Variants in PDS5B observed in about 807,000 individuals in gnomAD.
PDS5B encodes sister chromatid cohesion protein PDS5 homolog B.
In PDS5B, 51 loss-of-function variants were observed where a neutral mutation model predicts 184.1. The observed-to-expected ratio is 0.28, with a 90% CI of 0.22 to 0.35. PDS5B has a LOEUF of 0.35. Among genes scored for constraint, PDS5B ranks in the 10% least tolerant of loss-of-function variants. The probability of loss-of-function intolerance (pLI) is 1.00; values close to 1 mark genes in which losing one functional copy is unlikely to be tolerated. For synonymous variants in PDS5B, 566 were observed against 569.2 expected, an observed-to-expected ratio of 0.99 and a Z score of 0.08; for missense variants, 1,180 against 1,723.3, an observed-to-expected ratio of 0.68 and a Z score of 5.58.
At chr13:32,773,149 A>G in intron 33 of PDS5B, 40 bp from the exon 34 acceptor site, 1 of 1,542,810 alleles carries the variant, frequency 6.5e-7, no homozygotes, top group Non-Finnish European at 8.7e-7. Flanking sequence ...CTACTGAAAG[A>G]TTGGAACGTT....
chr13:32,618,160 G>A (rs578050245), intron 1 of PDS5B, among the ~76,000 whole-genome samples: 21 of 152,256 alleles, frequency 1.4e-4, no homozygotes, highest in African/African-American at 5.1e-4. Flanking sequence ...TCAGGCCCCA[G>A]CCTCTCAATA....
intron 33 of PDS5B, among the ~76,000 whole-genome samples, chr13:32,772,828 G>A (rs753597607): frequency 6.6e-5 from 10 of 152,136 alleles, no homozygotes; most frequent in Non-Finnish European, 1.3e-4. Context: ...ATCTCCATAA[G>A]AATCTATAAG....
intron 18 of PDS5B, among the ~76,000 whole-genome samples, chr13:32,707,930 C>T (rs954763161): frequency 1.3e-5 from 2 of 151,662 alleles, no homozygotes; most frequent in East Asian, 1.9e-4. Flanking sequence ...AAAACAAGGG[C>T]GAGATAGAAG....
chr13:32,763,945 A>G (rs1168780797), intron 30 of PDS5B, among the ~76,000 whole-genome samples: 1 of 152,216 alleles, frequency 6.6e-6, no homozygotes, highest in Non-Finnish European at 1.5e-5. Context: ...GAGACCACCC[A>G]GGACAGAGGC....
chr13:32,667,925 A>G (rs1950843999), intron 7 of PDS5B, 81 bp downstream of exon 7: 1 of 661,608 alleles, frequency 1.5e-6, no homozygotes, highest in Non-Finnish European at 2.5e-6. Flanking sequence ...TTCATCAGAT[A>G]GTATATAGTT....
At chr13:32,608,603 G>C (rs1301927362) in intron 1 of PDS5B, among the ~76,000 whole-genome samples, 1 of 152,136 alleles carries the variant, frequency 6.6e-6, no homozygotes, top group Non-Finnish European at 1.5e-5. Flanking sequence ...GGTTAAGCTG[G>C]AACCTACAGA....
chr13:32,759,934 A>T (rs936456417), intron 29 of PDS5B, among the ~76,000 whole-genome samples: 6 of 152,004 alleles, frequency 3.9e-5, no homozygotes, highest in Non-Finnish European at 7.4e-5. Flanking sequence ...TAGACTTCTT[A>T]GGTTAATATC....
intron 15 of PDS5B, 97 bp downstream of exon 15, chr13:32,696,999 A>G: frequency 1.5e-6 from 1 of 688,452 alleles, no homozygotes; most frequent in South Asian, 1.9e-5. Context: ...GGCTATGATA[A>G]TATAGGAATT....
chr13:32,711,064 CTCACTGCAACCT>C (rs1233386814), intron 19 of PDS5B, among the ~76,000 whole-genome samples: 1 of 151,780 alleles, frequency 6.6e-6, no homozygotes, highest in Non-Finnish European at 1.5e-5. Flanking sequence ...GTGATCTCAG[CTCACTGCAACCT>C]TCACCTCCCA....
chr13:32,751,091 C>T (rs748443350), intron 24 of PDS5B, among the ~76,000 whole-genome samples: 14 of 152,136 alleles, frequency 9.2e-5, no homozygotes, highest in Non-Finnish European at 1.9e-4. Context: ...TTCATGTGTA[C>T]TCAATGTTTA....
At chr13:32,662,084 T>G (rs976270523) in intron 6 of PDS5B, among the ~76,000 whole-genome samples, 1 of 152,098 alleles carries the variant, frequency 6.6e-6, no homozygotes, top group African/African-American at 2.4e-5. Context: ...TTATTTTTAC[T>G]AAGAAATACA....
chr13:32,595,266 C>T (rs1388634210), intron 1 of PDS5B, among the ~76,000 whole-genome samples: 3 of 152,104 alleles, frequency 2.0e-5, no homozygotes, highest in Admixed American at 6.5e-5. Context: ...CTAACTCTCA[C>T]ATTACATAAG....
chr13:32,708,176 T>C (rs1214550080), intron 18 of PDS5B, among the ~76,000 whole-genome samples: 1 of 152,074 alleles, frequency 6.6e-6, no homozygotes, highest in African/African-American at 2.4e-5. Context: ...ACCTATGGGG[T>C]AGTACTGTTC....
chr13:32,670,609 G>A (rs1950911719), intron 7 of PDS5B, among the ~76,000 whole-genome samples: 1 of 152,080 alleles, frequency 6.6e-6, no homozygotes, highest in South Asian at 2.1e-4. Context: ...TGTTTAAAAG[G>A]TAAGATGGAA....
Position 32,586,509 on chromosome 13 carries a change from G to T in PDS5B, c.-104G>T, listed in dbSNP as rs976680842. ...AGGGCTGGCTGCGGAAGGGGAGGGG[G>T]GGGGAGAAGGCGATTGGATGCGGCG... On this transcript the variant is annotated 5_prime_UTR_variant, in exon 1 of 35. Coordinates refer to ENST00000315596, the MANE Select transcript of PDS5B (RefSeq NM_015032.4). The T allele has an allele frequency of 2.0e-5, 3 of 152,694 alleles. No individual in the cohort carries two copies. The highest frequency in any genetic ancestry group is 4.8e-5 in the African/African-American group (2 of 41,416). 9.5% of individuals were successfully genotyped at this position (152,694 alleles called of 1,614,324 possible). A position where few individuals can be genotyped will look rare whatever the true frequency, so the allele number is the denominator to read the frequency against.
At chr13:32,660,847 A>T (rs1462064619) in intron 6 of PDS5B, among the ~76,000 whole-genome samples, 1 of 152,190 alleles carries the variant, frequency 6.6e-6, no homozygotes, top group Non-Finnish European at 1.5e-5. Context: ...CCAAGTACTT[A>T]TAGATTCAAT....
chr13:32,651,273 C>T (rs1950360222), intron 2 of PDS5B, among the ~76,000 whole-genome samples: 1 of 152,162 alleles, frequency 6.6e-6, no homozygotes, highest in African/African-American at 2.4e-5. Context: ...GTAGATACTT[C>T]ATAGTAGCTT....
intron 19 of PDS5B, among the ~76,000 whole-genome samples, chr13:32,727,560 A>G (rs368177658): frequency 2.6e-5 from 4 of 152,184 alleles, no homozygotes; most frequent in African/African-American, 9.6e-5. Flanking sequence ...TTTAAAAGAT[A>G]ATTTTGCTTG....
chr13:32,713,534 G>T (rs1164719526), intron 19 of PDS5B, among the ~76,000 whole-genome samples: 2 of 152,112 alleles, frequency 1.3e-5, no homozygotes, highest in Non-Finnish European at 1.5e-5. Context: ...ATTGACTATA[G>T]AATATAATTT....
Sources: allele counts gnomAD v4.1 joint callset (sites outside exome capture counted in the v4.1 genomes callset), GRCh38; gene constraint gnomAD v4.1.1; transcripts MANE v1.5; gene names NCBI Gene and HGNC (gene_info 2026-07-23, HGNC 2026-07-21).